WNT7B: variants seen among roughly 807,000 people sequenced by gnomAD.
WNT7B encodes the protein protein Wnt-7b.
A neutral mutation model predicts 38.2 loss-of-function variants in WNT7B; 19 were observed. The ratio of observed to expected loss-of-function variants is 0.50; its 90% CI spans 0.35 to 0.73. The LOEUF (loss-of-function observed/expected upper bound fraction) is 0.73. Ranked by LOEUF, WNT7B falls within the 30% of genes least tolerant of loss-of-function variation. The probability of loss-of-function intolerance (pLI) is 0.01; values close to 1 mark genes in which losing one functional copy is unlikely to be tolerated. For synonymous variants in WNT7B, 243 were observed against 209.3 expected (o/e 1.16, Z -1.39); for missense variants, 423 against 507.9 (o/e 0.83, Z 1.61).
In WNT7B at chr22:45,963,388, C is replaced by G. The variant is rs138226819; in HGVS notation, c.72-13242G>C. 2.0e-5 allele frequency among the ~76,000 whole-genome samples: 3 copies of G among 152,322 alleles called. No individual in the cohort carries two copies. The East Asian group carries it at 5.8e-4, about 29-fold the overall frequency. On this transcript the variant is annotated intron_variant, in intron 1 of 3. Transcript: ENST00000339464. The stretch of plus-strand genomic sequence containing the variant: ...CCCAGAGTGCCCACTTCCCCAGGGG[C>G]AGCCTCCTCTGCCTCTCATCAGCCT...
chr22:45,940,279 G>A (rs762138578), intron 2 of WNT7B, among the ~76,000 whole-genome samples: 13 of 152,064 alleles, frequency 8.5e-5, no homozygotes, highest in Non-Finnish European at 1.8e-4. Flanking sequence ...GCTCAGGAGA[G>A]GCAGGCGACT....
Position 45,933,648 on chromosome 22 carries a change from T to C in WNT7B, c.299-2279A>G, listed in dbSNP as rs142777417. On this transcript the variant is annotated intron_variant, in intron 2 of 3. Coordinates refer to ENST00000339464, the MANE Select transcript of WNT7B (RefSeq NM_058238.3). ...AGAGGGATCATGGCACCTCAAAGGA[T>C]TCACTGACCTACCTCCGTGGAGTGG... Among the ~76,000 whole-genome samples the C allele has an allele frequency of 2.1e-3, 315 of 152,210 alleles. 3 individuals are homozygous for C. Among genetic ancestry groups the C allele is most frequent in the African/African-American group, 7.2e-3 (297 of 41,536 alleles).
In WNT7B at chr22:45,931,146, C is replaced by T; in HGVS notation, c.522G>A (p.Lys174=). ...RRFVDAREIK[K]NARRLMNLHN... ...GCAGGTTCATGAGGCGCCGCGCGTTCTTCTTGATCTCCCGAGCGTCCACGA... is the reference window on the plus strand; with the variant it reads ...GCAGGTTCATGAGGCGCCGCGCGTTTTTCTTGATCTCCCGAGCGTCCACGA... The change falls in exon 3 of 4, where the codon AAG becomes AAA. Residue 174 remains lysine, a synonymous_variant. Transcript: ENST00000339464. The T allele has an allele frequency of 6.3e-7, 1 of 1,595,114 alleles. No homozygotes were observed. The highest frequency in any genetic ancestry group is 1.1e-5 in the South Asian group (1 of 90,910).
intron 3 of WNT7B, among the ~76,000 whole-genome samples, chr22:45,929,881 T>C (rs1402098505): frequency 3.1e-5 from 4 of 127,268 alleles, no homozygotes; most frequent in South Asian, 4.9e-4. Context: ...TCCAACCATC[T>C]ACCCACTCAT....
chr22:45,949,021 G>C (rs1285075249), intron 2 of WNT7B, among the ~76,000 whole-genome samples: 9 of 151,820 alleles, frequency 5.9e-5, no homozygotes, highest in African/African-American at 2.2e-4. Flanking sequence ...AGTAGAGATG[G>C]GGTTTCACCA....
At chr22:45,971,913 C>G (rs1278419189) in intron 1 of WNT7B, among the ~76,000 whole-genome samples, 1 of 152,198 alleles carries the variant, frequency 6.6e-6, no homozygotes, top group Non-Finnish European at 1.5e-5. Flanking sequence ...GAGCCGCTCT[C>G]AGGCCATCCT....
chr22:45,976,825 C>T lies in WNT7B; in HGVS notation c.-71G>A, dbSNP rs942871404. On this transcript the variant is annotated 5_prime_UTR_variant, in exon 1 of 4. Coordinates refer to ENST00000339464, the MANE Select transcript of WNT7B (RefSeq NM_058238.3). This position sits in a 1 kb window ranked among gnomAD's most constrained non-coding sequence, Gnocchi z 8.5. ...GACGCGCGGGCCCGGCAGGGCCGGG[C>T]AGGGGCCAGGGGGCTGCGGGCAGAC... 1.4e-6 allele frequency: 2 copies of T among 1,393,040 alleles called. No individual in the cohort carries two copies. The highest frequency in any genetic ancestry group is 1.5e-5 in the African/African-American group (1 of 66,054). The allele number at this position is 1,393,040 out of a possible 1,614,324, so 86.3% of individuals were successfully genotyped here.
At chr22:45,924,088 G>A (rs781671852) in intron 3 of WNT7B, among the ~76,000 whole-genome samples, 1 of 152,216 alleles carries the variant, frequency 6.6e-6, no homozygotes, top group African/African-American at 2.4e-5. Context: ...TACCCGGATC[G>A]AAAGGGCCCT....
chr22:45,933,992 G>A (rs984501340), intron 2 of WNT7B, among the ~76,000 whole-genome samples: 4 of 152,338 alleles, frequency 2.6e-5, no homozygotes, highest in Admixed American at 2.0e-4. Context: ...TTCAGAGGCC[G>A]GTCGGCACCA....
chr22:45,944,980 C>G (rs1396523696), intron 2 of WNT7B, among the ~76,000 whole-genome samples: 1 of 152,238 alleles, frequency 6.6e-6, no homozygotes, highest in African/African-American at 2.4e-5. Flanking sequence ...CCTCCTGTCC[C>G]CTATGGGTGC....
At chr22:45,928,102 A>G (rs1401264429) in intron 3 of WNT7B, among the ~76,000 whole-genome samples, 2 of 152,160 alleles carry the variant, frequency 1.3e-5, no homozygotes, top group South Asian at 2.1e-4. Context: ...CCCAGAGCTG[A>G]GAGAGAACAG....
intron 3 of WNT7B, chr22:45,926,260 A>G (rs1482262586): frequency 1.0e-6 from 1 of 985,110 alleles, no homozygotes; most frequent in East Asian, 1.1e-4. Context: ...CAGCACTGAG[A>G]CCGGCCCCCT....
chr22:45,934,256 C>T (rs1393419404), intron 2 of WNT7B, among the ~76,000 whole-genome samples: 3 of 152,146 alleles, frequency 2.0e-5, no homozygotes. Flanking sequence ...CCTTCTGCCC[C>T]CAGCTTGGCC....
intron 1 of WNT7B, among the ~76,000 whole-genome samples, chr22:45,968,100 C>T (rs1475786180): frequency 1.3e-5 from 2 of 152,064 alleles, no homozygotes; most frequent in Non-Finnish European, 2.9e-5. Context: ...GGAGGGGAAC[C>T]CCTGGTGAAT....
intron 2 of WNT7B, among the ~76,000 whole-genome samples, chr22:45,941,087 G>C (rs1424947968): frequency 6.6e-6 from 1 of 152,224 alleles, no homozygotes; most frequent in Non-Finnish European, 1.5e-5. Context: ...GGAGGCCTGT[G>C]CAAGGGTTTG....
At chr22:45,923,793 G>A (rs1326141903) in intron 3 of WNT7B, among the ~76,000 whole-genome samples, 1 of 152,114 alleles carries the variant, frequency 6.6e-6, no homozygotes, top group Non-Finnish European at 1.5e-5. Flanking sequence ...CCCCACCCTC[G>A]AGCTTAGCGT....
intron 2 of WNT7B, among the ~76,000 whole-genome samples, chr22:45,944,469 C>T (rs1931747464): frequency 1.3e-5 from 2 of 152,340 alleles, no homozygotes; most frequent in African/African-American, 4.8e-5. Flanking sequence ...GCAGCTTCGC[C>T]GCTAGGAAAG....
Position 45,957,882 on chromosome 22 carries a change from C to T in WNT7B, c.72-7736G>A, listed in dbSNP as rs567316440. Among the ~76,000 whole-genome samples the T allele has an allele frequency of 1.8e-4, 27 of 152,308 alleles. No individual in the cohort carries two copies. The South Asian group carries it at 5.6e-3, about 32-fold the overall frequency. ...GGCAGAGCTGGGCTGAGCCAGAATG[C>T]CCTGCCAGGGCTCCTCTGCCCCAGC... On this transcript the variant is annotated intron_variant, in intron 1 of 3. Transcript: ENST00000339464.
In WNT7B at chr22:45,970,540, A is replaced by AC. The variant is rs533394247; in HGVS notation, c.71+6143dup. ...TCTCCGACCCTTACCCCAACCCCCA[A>AC]CCCCCCCACTTCCCTTGCCTCCACC... is the stretch of plus-strand genomic sequence containing the variant. On this transcript the variant is annotated intron_variant, in intron 1 of 3. Transcript: ENST00000339464. 7.7e-3 allele frequency among the ~76,000 whole-genome samples: 1,092 copies of AC among 142,052 alleles called. 4 individuals are homozygous for AC. Among genetic ancestry groups the AC allele is most frequent in the Non-Finnish European group, 0.012 (814 of 65,298 alleles). The allele number at this position is 142,052 out of a possible 152,430, so 93.2% of individuals were successfully genotyped here. A position where few individuals can be genotyped will look rare whatever the true frequency, so the allele number is the denominator to read the frequency against.
Sources: allele counts gnomAD v4.1 joint callset (sites outside exome capture counted in the v4.1 genomes callset), GRCh38; gene constraint gnomAD v4.1.1; non-coding constraint Gnocchi (gnomAD v3.1); transcripts MANE v1.5; gene names NCBI Gene and HGNC (gene_info 2026-07-23, HGNC 2026-07-21).